Variants in SCN7A observed in about 807,000 individuals in gnomAD.
The protein encoded by SCN7A is sodium voltage-gated channel alpha subunit 7.
In SCN7A, 138 loss-of-function variants were observed where a neutral mutation model predicts 155.2. The ratio of observed to expected loss-of-function variants is 0.89; its 90% CI spans 0.77 to 1.02. The LOEUF (loss-of-function observed/expected upper bound fraction) is 1.02. Ranked by LOEUF, SCN7A falls within the 50% of genes least tolerant of loss-of-function variation. The pLI is 0.00. For synonymous variants in SCN7A, 693 were observed against 649.0 expected, an observed-to-expected ratio of 1.07 and a Z score of -1.03; for missense variants, 2,058 against 1,986.6, an observed-to-expected ratio of 1.04 and a Z score of -0.68.
rs994365934 is a variant in SCN7A at position 166,472,299 on chromosome 2, A to T, written c.572+18T>A. 1.1e-5 allele frequency: 18 copies of T among 1,572,066 alleles called. No individual in the cohort carries two copies. The highest frequency in any genetic ancestry group is 1.5e-5 in the Non-Finnish European group (18 of 1,163,942). ...TGAGCAAAACATTAAAATAGACTCA[A>T]TTTAAAGAAATACTCACTCAAACAC... On this transcript the variant is annotated intron_variant, in intron 6 of 25. Transcript: ENST00000643258.
At position 166,404,553 on chromosome 2, in the gene SCN7A, C is replaced by T. The variant is rs934094553; in HGVS notation, c.*1027G>A. The T allele has an allele frequency of 1.5e-4, 22 of 151,722 alleles. 1 individual carries two copies. The highest frequency in any genetic ancestry group is 5.3e-4 in the Admixed American group (8 of 15,186). 9.4% of individuals were successfully genotyped at this position (151,722 alleles called of 1,614,324 possible). A position where few individuals can be genotyped will look rare whatever the true frequency, so the allele number is the denominator to read the frequency against. On this transcript the variant is annotated 3_prime_UTR_variant, in exon 26 of 26. Coordinates refer to ENST00000643258, the MANE Select transcript of SCN7A (RefSeq NM_002976.4). ...CTAAGTTATAAAGAATTATAACATA[C>T]AGTAAAAAGTACTTTAAAGTTGCCA...
intron 18 of SCN7A, among the ~76,000 whole-genome samples, chr2:166,423,912 TA>T (rs1206390505): frequency 8.5e-5 from 13 of 152,270 alleles, no homozygotes; most frequent in African/African-American, 3.1e-4. Flanking sequence ...TGCTGACGAT[TA>T]ATTAAAACTA....
intron 2 of SCN7A, among the ~76,000 whole-genome samples, chr2:166,482,943 G>T (rs1443971781): frequency 2.6e-5 from 4 of 151,962 alleles, no homozygotes; most frequent in Non-Finnish European, 4.4e-5. Flanking sequence ...TCTTAATACA[G>T]CACTAAAGTC....
Position 166,441,464 on chromosome 2 carries a change from T to G in SCN7A, c.2089A>C (p.Met697Leu). The G allele has an allele frequency of 6.2e-7, 1 of 1,613,946 alleles. No homozygotes were observed. The highest frequency in any genetic ancestry group is 1.1e-5 in the South Asian group (1 of 91,062). Residue 697 changes from methionine (M) to leucine (L), a missense_variant, in exon 15 of 26, where the codon ATG becomes CTG. Coordinates refer to ENST00000643258, the MANE Select transcript of SCN7A (RefSeq NM_002976.4). ...GEWVETLWDC[M>L]EVAGQSWCIP... Reference sequence around the variant, plus strand: ...CACCAGGATTGGCCTGCAACCTCCATACAGTCCCACAAGGTCTCTACCCAC... The same window carrying G: ...CACCAGGATTGGCCTGCAACCTCCAGACAGTCCCACAAGGTCTCTACCCAC...
intron 6 of SCN7A, among the ~76,000 whole-genome samples, chr2:166,470,923 G>C (rs1458838667): frequency 6.6e-6 from 1 of 151,760 alleles, no homozygotes. Context: ...TATTATGAGA[G>C]TTTACAAAAG....
intron 11 of SCN7A, among the ~76,000 whole-genome samples, chr2:166,453,989 T>A (rs981875099): frequency 3.9e-5 from 6 of 152,186 alleles, no homozygotes; most frequent in Admixed American, 1.3e-4. Flanking sequence ...AGAAATGGGT[T>A]ATAATTAAAC....
chr2:166,474,892 T>C (rs1702745865), intron 3 of SCN7A, among the ~76,000 whole-genome samples: 1 of 151,456 alleles, frequency 6.6e-6, no homozygotes, highest in Non-Finnish European at 1.5e-5. Context: ...TTATATCATG[T>C]AAACCTAATA....
chr2:166,456,838 A>G, intron 11 of SCN7A, 32 bp downstream of exon 11: 1 of 989,616 alleles, frequency 1.0e-6, no homozygotes, highest in Non-Finnish European at 1.5e-6. Context: ...ATAGATAGAT[A>G]GATAGATAGA....
chr2:166,481,270 A>T (rs1288415962), intron 2 of SCN7A, among the ~76,000 whole-genome samples: 1 of 152,170 alleles, frequency 6.6e-6, no homozygotes, highest in Non-Finnish European at 1.5e-5. Flanking sequence ...TAAAATTGGG[A>T]TTCCTCTTCC....
intron 12 of SCN7A, among the ~76,000 whole-genome samples, chr2:166,446,397 TAAG>T (rs1702063603): frequency 6.6e-6 from 1 of 152,036 alleles, no homozygotes. Context: ...TGTGGAGAAA[TAAG>T]AAAGTTTTTA....
intron 21 of SCN7A, among the ~76,000 whole-genome samples, chr2:166,414,219 T>C (rs1304802945): frequency 2.0e-5 from 2 of 99,496 alleles, no homozygotes; most frequent in East Asian, 2.5e-4. Flanking sequence ...TGTAAATATA[T>C]ATAAATATAT....
In SCN7A at chr2:166,417,842, A is replaced by G. The variant is rs1701413249; in HGVS notation, c.3136-857T>C. On this transcript the variant is annotated intron_variant, in intron 20 of 25. Transcript: ENST00000643258. ...GGTTGCTGTACGTCACAAAGATTCA[A>G]TCCTCACTGAACCATTTGGTGTCAC... Among the ~76,000 whole-genome samples, 5 of 151,766 alleles carry G rather than the reference A, an allele frequency of 3.3e-5. No homozygotes were observed. In the South Asian group the frequency reaches 1.0e-3, roughly 31 times the overall value.
At chr2:166,449,559 C>G (rs1702135546) in intron 11 of SCN7A, among the ~76,000 whole-genome samples, 1 of 152,124 alleles carries the variant, frequency 6.6e-6, no homozygotes, top group African/African-American at 2.4e-5. Flanking sequence ...ATACTGCATA[C>G]TGTGTTTCCT....
chr2:166,474,299 C>T lies in SCN7A; in HGVS notation c.280G>A (p.Ala94Thr). 6.5e-7 allele frequency: 1 copy of T among 1,528,972 alleles called. No individual in the cohort carries two copies. 94.7% of individuals were successfully genotyped at this position (1,528,972 alleles called of 1,614,324 possible). A position where few individuals can be genotyped will look rare whatever the true frequency, so the allele number is the denominator to read the frequency against. The change falls in exon 4 of 26, where the codon GCG becomes ACG. Residue 94 changes from alanine (A) to threonine (T), a missense_variant. Transcript: ENST00000643258. Reference sequence around the variant, plus strand: ...GACAATGTACACAAGATGGAAGCCGCATTGAATCTGAAGATTGTTCTATTT... The same window carrying T: ...GACAATGTACACAAGATGGAAGCCGTATTGAATCTGAAGATTGTTCTATTT... ...NKNRTIFRFNAASILCTLSPF... is the reference protein window; with the variant it reads ...NKNRTIFRFNTASILCTLSPF...
chr2:166,416,378 TA>T (rs1241394949), intron 21 of SCN7A, among the ~76,000 whole-genome samples: 2 of 152,076 alleles, frequency 1.3e-5, no homozygotes, highest in African/African-American at 4.8e-5. Context: ...AAATCCTTAA[TA>T]AAAACTTGCT....
chr2:166,490,078 C>T (rs12466806), intron 1 of SCN7A, among the ~76,000 whole-genome samples: 43,922 of 151,604 alleles, frequency 0.29, 6,730 homozygotes, highest in Non-Finnish European at 0.34. Flanking sequence ...TATCCATTAT[C>T]TCACAGACTT....
rs745545188 is a variant in SCN7A at position 166,474,266 on chromosome 2, T to C, written c.313A>G (p.Asn105Asp). ...TTGATAGTTGTTCTTCTAATACAAT[T>C]GAAAGGAGACAATGTACACAAGATG... Reference protein sequence around the residue: ...ASILCTLSPFNCIRRTTIKVL... With the variant: ...ASILCTLSPFDCIRRTTIKVL... Residue 105 changes from asparagine (N) to aspartate (D), a missense_variant, in exon 4 of 26, where the codon AAT becomes GAT. Physicochemically the swap from Asn to Asp is conservative, Grantham distance 23 (BLOSUM62 1). Transcript: ENST00000643258. 9.2e-6 allele frequency: 14 copies of C among 1,523,414 alleles called. No individual in the cohort carries two copies. The highest frequency in any genetic ancestry group is 2.8e-5 in the African/African-American group (2 of 71,996). The allele number at this position is 1,523,414 out of a possible 1,614,324, so 94.4% of individuals were successfully genotyped here. A position where few individuals can be genotyped will look rare whatever the true frequency, so the allele number is the denominator to read the frequency against.
At chr2:166,413,960 T>G (rs1360104417) in intron 21 of SCN7A, among the ~76,000 whole-genome samples, 1 of 105,214 alleles carries the variant, frequency 9.5e-6, no homozygotes, top group Non-Finnish European at 1.8e-5. Flanking sequence ...TAAACTCCCC[T>G]TTATATATAT....
At chr2:166,476,846 T>C (rs1315582682) in intron 3 of SCN7A, among the ~76,000 whole-genome samples, 1 of 152,068 alleles carries the variant, frequency 6.6e-6, no homozygotes, top group Admixed American at 6.6e-5. Context: ...AAGTGCTCTT[T>C]AAGCTATAAC....
Sources: allele counts gnomAD v4.1 joint callset (sites outside exome capture counted in the v4.1 genomes callset), GRCh38; gene constraint gnomAD v4.1.1; transcripts MANE v1.5; gene names NCBI Gene and HGNC (gene_info 2026-07-23, HGNC 2026-07-21).